The following STPG2 variants were observed in gnomAD, a reference collection of about 807,000 sequenced individuals.
STPG2 encodes sperm tail PG-rich repeat containing 2.
STPG2 carries 56 observed loss-of-function variants against 54.2 expected under a neutral mutation model. The ratio of observed to expected loss-of-function variants is 1.03; its 90% CI spans 0.83 to 1.29. The LOEUF (loss-of-function observed/expected upper bound fraction) is 1.29. STPG2 is among the 50% of genes most tolerant of loss of function. The pLI is 0.00. For missense variants in STPG2, 596 were observed against 544.9 expected (o/e 1.09, Z -0.93); for synonymous variants, 200 against 181.8 (o/e 1.10, Z -0.81).
chr4:97,588,312 A>G (rs1385805733), intron 10 of STPG2, among the ~76,000 whole-genome samples: 4 of 152,048 alleles, frequency 2.6e-5, no homozygotes, highest in Non-Finnish European at 5.9e-5. Context: ...TGCAACTGAA[A>G]AAAATACATT....
At chr4:97,464,608 G>C (rs563287717) in intron 4 of STPG2, among the ~76,000 whole-genome samples, 4 of 152,030 alleles carry the variant, frequency 2.6e-5, no homozygotes, top group Admixed American at 6.6e-5. Context: ...GTAGACACAA[G>C]GTTTCCCAGA....
intron 10 of STPG2, among the ~76,000 whole-genome samples, chr4:97,633,093 A>C (rs1159044400): frequency 1.3e-5 from 2 of 152,164 alleles, no homozygotes; most frequent in Non-Finnish European, 2.9e-5. Flanking sequence ...GTATATGTAC[A>C]TGTGTATATA....
At chr4:97,833,420 C>T (rs1482422377) in intron 9 of STPG2, among the ~76,000 whole-genome samples, 1 of 152,066 alleles carries the variant, frequency 6.6e-6, no homozygotes, top group Non-Finnish European at 1.5e-5. Flanking sequence ...AAAACCTAGG[C>T]AGTATCATTC....
intron 9 of STPG2, among the ~76,000 whole-genome samples, chr4:97,825,047 G>C (rs1456254849): frequency 6.6e-6 from 1 of 151,772 alleles, no homozygotes; most frequent in Non-Finnish European, 1.5e-5. Flanking sequence ...TTTTTTAAGA[G>C]TGCTATGTTT....
At chr4:97,932,425 A>G (rs1727278) in intron 8 of STPG2, among the ~76,000 whole-genome samples, 63,447 of 151,968 alleles carry the variant, frequency 0.42, 13,809 homozygotes, top group Admixed American at 0.53. Context: ...CACATAGATA[A>G]AAGTGTGCCA....
chr4:97,757,971 T>C (rs1465303781), intron 9 of STPG2, among the ~76,000 whole-genome samples: 1 of 152,236 alleles, frequency 6.6e-6, no homozygotes, highest in Admixed American at 6.5e-5. Flanking sequence ...CTAAATGAGA[T>C]AAATTGTAGA....
At chr4:97,904,557 C>T (rs1731323107) in intron 8 of STPG2, among the ~76,000 whole-genome samples, 2 of 152,242 alleles carry the variant, frequency 1.3e-5, no homozygotes, top group African/African-American at 4.8e-5. Context: ...TGCCTCTCCT[C>T]CTCCAAAGGA....
intron 9 of STPG2, among the ~76,000 whole-genome samples, chr4:97,738,497 A>T (rs1023885652): frequency 6.6e-6 from 1 of 152,220 alleles, no homozygotes; most frequent in Non-Finnish European, 1.5e-5. Flanking sequence ...CATAGGCTCA[A>T]AATAAAAGGA....
intron 5 of STPG2, among the ~76,000 whole-genome samples, chr4:98,098,461 A>G (rs1234974339): frequency 6.6e-6 from 1 of 152,214 alleles, no homozygotes; most frequent in Non-Finnish European, 1.5e-5. Flanking sequence ...TGCCTTACAC[A>G]AAAATCAAAT....
intron 9 of STPG2, among the ~76,000 whole-genome samples, chr4:97,813,677 T>TAAAAAAAAA (rs869298230): frequency 7.2e-4 from 33 of 45,940 alleles, no homozygotes; most frequent in African/African-American, 2.1e-3. Flanking sequence ...CCCTGTCTCT[T>TAAAAAAAAA]AAAAAAAAAA....
intron 9 of STPG2, among the ~76,000 whole-genome samples, chr4:97,727,083 A>G (rs1167408417): frequency 6.6e-6 from 1 of 151,944 alleles, no homozygotes; most frequent in Non-Finnish European, 1.5e-5. Flanking sequence ...GTATTCTGAA[A>G]TTCACAAAGT....
intron 10 of STPG2, among the ~76,000 whole-genome samples, chr4:97,583,228 C>T (rs898999121): frequency 6.6e-6 from 1 of 151,908 alleles, no homozygotes; most frequent in Admixed American, 6.6e-5. Context: ...ACCAGCTCCA[C>T]CCCATTATCA....
chr4:98,114,266 T>C (rs141095548), intron 3 of STPG2, among the ~76,000 whole-genome samples: 2,027 of 152,228 alleles, frequency 0.013, 50 homozygotes, highest in African/African-American at 0.046. Context: ...CCATTTATGT[T>C]AGAGTTTATT....
At chr4:97,725,309 C>T (rs576547562) in intron 9 of STPG2, among the ~76,000 whole-genome samples, 50 of 151,204 alleles carry the variant, frequency 3.3e-4, no homozygotes, top group Admixed American at 2.8e-3. Context: ...TTTTAGTGCA[C>T]CCAAAGAGCA....
At chr4:97,534,327 T>C (rs1731481828) in intron 4 of STPG2, among the ~76,000 whole-genome samples, 1 of 152,118 alleles carries the variant, frequency 6.6e-6, no homozygotes. Context: ...TATATGCGGT[T>C]TTTCAAGTCT....
At chr4:97,504,603 T>C (rs964930779) in intron 4 of STPG2, among the ~76,000 whole-genome samples, 10 of 152,020 alleles carry the variant, frequency 6.6e-5, no homozygotes, top group Admixed American at 2.6e-4. Flanking sequence ...TGTAAAACTT[T>C]CCACTCTTTA....
chr4:97,549,705 T>A (rs1731923170), intron 4 of STPG2, among the ~76,000 whole-genome samples: 1 of 152,018 alleles, frequency 6.6e-6, no homozygotes, highest in Non-Finnish European at 1.5e-5. Flanking sequence ...GAGAAGAAGG[T>A]CATGTAAAGA....
At chr4:97,866,616 T>G (rs1020253916) in intron 8 of STPG2, among the ~76,000 whole-genome samples, 3 of 152,112 alleles carry the variant, frequency 2.0e-5, no homozygotes, top group East Asian at 1.9e-4. Context: ...GATGTTGAGC[T>G]AATTATCCCT....
chr4:97,746,097 G>C lies in STPG2; in HGVS notation c.1205-33283C>G, dbSNP rs78803598. 6.7e-3 allele frequency among the ~76,000 whole-genome samples: 1,012 copies of C among 151,196 alleles called. 13 individuals carry two copies. The highest frequency in any genetic ancestry group is 0.023 in the African/African-American group (961 of 41,412). On this transcript the variant is annotated intron_variant, in intron 9 of 10. Coordinates refer to ENST00000295268, the MANE Select transcript of STPG2 (RefSeq NM_174952.3). Reference sequence around the variant, plus strand: ...TTTTTCTCTCCACAGATGGTCATTTGATAATGATAGATGAAGCATGTCTGA... The same window carrying C: ...TTTTTCTCTCCACAGATGGTCATTTCATAATGATAGATGAAGCATGTCTGA...
Sources: gnomAD v4.1 joint callset for allele counts (sites outside exome capture counted in the v4.1 genomes callset) on GRCh38, gnomAD v4.1.1 for gene constraint, MANE v1.5 for transcripts, NCBI Gene and HGNC (gene_info 2026-07-23, HGNC 2026-07-21) for gene names.